GPLD1: variants seen among roughly 807,000 people sequenced by gnomAD.
GPLD1 encodes the protein glycosylphosphatidylinositol specific phospholipase D1.
Under a neutral mutation model 112.6 loss-of-function variants are expected in GPLD1, and 84 were observed. The observed-to-expected ratio is 0.75, with a 90% CI of 0.63 to 0.89. The LOEUF (loss-of-function observed/expected upper bound fraction) is 0.89, where lower values mean the gene tolerates loss of function less well. Among genes scored for constraint, GPLD1 ranks in the 40% least tolerant of loss-of-function variants. The pLI is 0.00. For missense variants in GPLD1, 1,044 were observed against 1,051.5 expected (o/e 0.99, Z 0.10); for synonymous variants, 386 against 403.8 (o/e 0.96, Z 0.53).
rs376707810 is a variant in GPLD1, at chr6:24,456,491, T to C, written c.1148+7A>G. ...AACATTCACAAGTTAGATAAACTTA[T>C]ACGTACCAGCCAAGCCTCGCATAAG... On this transcript the variant is annotated splice_region_variant and intron_variant, in intron 13 of 24. Coordinates refer to ENST00000230036, the MANE Select transcript of GPLD1 (RefSeq NM_001503.4). The C allele has an allele frequency of 4.2e-5, 67 of 1,582,496 alleles. No homozygotes were observed. The South Asian group carries it at 4.7e-4, about 11-fold the overall frequency.
intron 10 of GPLD1, 122 bp from the exon 11 acceptor site, chr6:24,462,917 T>C (rs1368558903): frequency 1.4e-6 from 1 of 723,036 alleles, no homozygotes; most frequent in Admixed American, 2.2e-5. Context: ...TACCTAGCCA[T>C]ACAGGACTAA....
At chr6:24,473,756 A>C (rs1763905564) in intron 5 of GPLD1, 89 bp from the exon 6 acceptor site, 1 of 779,884 alleles carries the variant, frequency 1.3e-6, no homozygotes, top group African/African-American at 1.7e-5. Context: ...GGGAGATGAC[A>C]GCTAACTCAA....
chr6:24,467,905 G>GT (rs1278519304), intron 7 of GPLD1, among the ~76,000 whole-genome samples: 1 of 151,482 alleles, frequency 6.6e-6, no homozygotes, highest in Admixed American at 6.6e-5. Context: ...TTTGTTTTCT[G>GT]TTTTTTGTTT....
rs377686305 is a variant in GPLD1 at position 24,454,038 on chromosome 6, G to A, written c.1312C>T (p.His438Tyr). The change falls in exon 14 of 25, where the codon CAC becomes TAC. Residue 438 changes from histidine to tyrosine, a missense_variant. By Grantham distance (83) the His-to-Tyr change is moderately conservative. Transcript: ENST00000230036. The stretch of plus-strand genomic sequence containing the variant: ...ACCTGGAAGCCTTCAAGGATCCTGT[G>A]GGCCTCCTTGTCCAGGTCCAGGTCA... ...PVDLDLDKEA[H>Y]RILEGFQPSG... 3 of 1,611,380 alleles carry A rather than the reference G, an allele frequency of 1.9e-6. No individual in the cohort carries two copies. In the African/African-American group the frequency reaches 4.0e-5, roughly 22 times the overall value.
intron 3 of GPLD1, among the ~76,000 whole-genome samples, chr6:24,477,686 C>T (rs951833161): frequency 1.3e-5 from 2 of 151,924 alleles, no homozygotes; most frequent in African/African-American, 4.8e-5. Flanking sequence ...GCTGTGATTG[C>T]ACCACTGCAC....
chr6:24,436,926 T>C (rs1218699514), intron 21 of GPLD1, among the ~76,000 whole-genome samples, 187 bp downstream of exon 21: 1 of 152,202 alleles, frequency 6.6e-6, no homozygotes, highest in Non-Finnish European at 1.5e-5. Flanking sequence ...CTACAGGTGA[T>C]TCTCATATTA....
rs1397904559 is a variant in GPLD1 at position 24,437,251 on chromosome 6, G to A, written c.2059C>T (p.His687Tyr). ...TACATGCGAGTGGCTCCGCCTTGGTGTAGGGTCACGGTCAGGAATGCCACC... is the reference window on the plus strand; with the variant it reads ...TACATGCGAGTGGCTCCGCCTTGGTATAGGGTCACGGTCAGGAATGCCACC... ...SKVAFLTVTL[H>Y]QGGATRMYAL... Residue 687 changes from histidine (H) to tyrosine (Y), a missense_variant, in exon 21 of 25, where the codon CAC (histidine) becomes TAC (tyrosine). Transcript: ENST00000230036. 5.0e-6 allele frequency: 8 copies of A among 1,613,980 alleles called. No individual in the cohort carries two copies. The highest frequency in any genetic ancestry group is 2.2e-5 in the South Asian group (2 of 91,090).
upstream of GPLD1, chr6:24,495,213 G>A (rs1480831485): frequency 6.6e-7 from 1 of 1,507,950 alleles, no homozygotes; most frequent in Admixed American, 2.1e-5. Flanking sequence ...GCTCCCGGCC[G>A]CCGCCACCTT....
At chr6:24,470,062 A>T (rs1763748610) in intron 7 of GPLD1, among the ~76,000 whole-genome samples, 1 of 152,198 alleles carries the variant, frequency 6.6e-6, no homozygotes, top group Admixed American at 6.5e-5. Context: ...AGCAAATGGG[A>T]CAACCAGCTT....
chr6:24,494,831 C>G (rs1214450005), intron 1 of GPLD1: 3 of 773,992 alleles, frequency 3.9e-6, no homozygotes. Context: ...GCGAGAAAGA[C>G]GCGGAGAGAG....
At chr6:24,450,044 G>C in intron 14 of GPLD1, 145 bp from the exon 15 acceptor site, 2 of 585,084 alleles carry the variant, frequency 3.4e-6, no homozygotes, top group Middle Eastern at 3.2e-4. Context: ...TAACATATCT[G>C]CAACACATCA....
chr6:24,428,703 A>C lies in GPLD1; in HGVS notation c.*329T>G. 5.0e-6 allele frequency: 1 copy of C among 198,512 alleles called. No homozygotes were observed. Among genetic ancestry groups the C allele is most frequent in the Middle Eastern group, 1.8e-3 (1 of 566 alleles). 12.3% of individuals were successfully genotyped at this position (198,512 alleles called of 1,614,324 possible). A position where few individuals can be genotyped will look rare whatever the true frequency, so the allele number is the denominator to read the frequency against. On this transcript the variant is annotated 3_prime_UTR_variant, in exon 25 of 25. Coordinates refer to ENST00000230036, the MANE Select transcript of GPLD1 (RefSeq NM_001503.4). ...GAAAGACATTCAAGAGGAAGAGGAAATAGGTTGTACAGCAGGTCTGACTAC... is the reference window on the plus strand; with the variant it reads ...GAAAGACATTCAAGAGGAAGAGGAACTAGGTTGTACAGCAGGTCTGACTAC...
intron 12 of GPLD1, among the ~76,000 whole-genome samples, chr6:24,458,021 T>C (rs187825586): frequency 5.7e-4 from 87 of 151,872 alleles, no homozygotes; most frequent in African/African-American, 1.8e-3. Flanking sequence ...CTTGGGATGC[T>C]GAATCGTTCT....
At chr6:24,480,586 T>G (rs1264917928) in intron 2 of GPLD1, among the ~76,000 whole-genome samples, 12 of 152,220 alleles carry the variant, frequency 7.9e-5, no homozygotes. Flanking sequence ...AGCACGCACA[T>G]ATGTGCATAT....
At chr6:24,468,256 C>T (rs1332320897) in intron 7 of GPLD1, among the ~76,000 whole-genome samples, 1 of 152,182 alleles carries the variant, frequency 6.6e-6, no homozygotes, top group African/African-American at 2.4e-5. Flanking sequence ...AAGCTACATA[C>T]CTCCCTCACA....
At position 24,447,863 on chromosome 6, in the gene GPLD1, C is replaced by A; in HGVS notation, c.1678+14G>T. ...GAGCAGCCATGGTCTCACCCATTCC[C>A]CCTCAGGCACTACCTTTGTCGCTCA... is the stretch of plus-strand genomic sequence containing the variant. On this transcript the variant is annotated intron_variant, in intron 17 of 24. Transcript: ENST00000230036. The A allele has an allele frequency of 6.2e-7, 1 of 1,613,184 alleles. No individual in the cohort carries two copies.
Position 24,486,121 on chromosome 6 carries a change from G to C in GPLD1, c.107C>G (p.Ala36Gly), listed in dbSNP as rs994309655. ...LSTHVEIGHR[A>G]LEFLQLHNGR... is the part of the protein sequence containing the mutation. ...ATTGTGAAGCTGAAGAAACTCCAGAGCTCTGTGTCCTGAGAGAAATAAATA... is the reference window on the plus strand; with the variant it reads ...ATTGTGAAGCTGAAGAAACTCCAGACCTCTGTGTCCTGAGAGAAATAAATA... Residue 36 changes from alanine (A) to glycine (G), a missense_variant, in exon 2 of 25, where the codon GCT becomes GGT. Ala to Gly is a moderately conservative substitution (Grantham distance 60, BLOSUM62 0). Coordinates refer to ENST00000230036, the MANE Select transcript of GPLD1 (RefSeq NM_001503.4). The C allele has an allele frequency of 6.3e-7, 1 of 1,577,788 alleles. No homozygotes were observed. Among genetic ancestry groups the C allele is most frequent in the African/African-American group, 1.3e-5 (1 of 74,188 alleles).
At chr6:24,478,798 G>C (rs1003000431) in intron 3 of GPLD1, among the ~76,000 whole-genome samples, 4 of 151,962 alleles carry the variant, frequency 2.6e-5, no homozygotes, top group African/African-American at 9.7e-5. Context: ...TCCCTCCCTT[G>C]AACTATCTTT....
intron 10 of GPLD1, among the ~76,000 whole-genome samples, chr6:24,465,110 T>C (rs1467050343): frequency 6.7e-6 from 1 of 149,088 alleles, no homozygotes; most frequent in Non-Finnish European, 1.5e-5. Context: ...GGCAGGAGAA[T>C]TGCTTGAACC....
Sources: allele counts gnomAD v4.1 joint callset (sites outside exome capture counted in the v4.1 genomes callset), GRCh38; gene constraint gnomAD v4.1.1; transcripts MANE v1.5; gene names NCBI Gene and HGNC (gene_info 2026-07-23, HGNC 2026-07-21).